DDAH1: variants seen among roughly 807,000 people sequenced by gnomAD.
The protein encoded by DDAH1 is dimethylarginine dimethylaminohydrolase 1.
DDAH1 carries 19 observed loss-of-function variants against 28.8 expected under a neutral mutation model. The ratio of observed to expected loss-of-function variants is 0.66; its 90% confidence interval spans 0.46 to 0.97. DDAH1 has a LOEUF of 0.97. Among genes scored for constraint, DDAH1 ranks in the 50% least tolerant of loss-of-function variants. The pLI is 0.00. For missense variants in DDAH1, 326 were observed against 375.9 expected (o/e 0.87, Z 1.10); for synonymous variants, 153 against 154.4 (o/e 0.99, Z 0.07).
rs61209793 is a variant in DDAH1, at chr1:85,504,961, CTTTTTTTTTTTTTTTTTTTTTTTTTTTTT to C, written c.-122-8709_-122-8681del. Among the ~76,000 whole-genome samples the C allele has an allele frequency of 1.5e-3, 92 of 60,838 alleles. 3 individuals are homozygous for C. The South Asian group carries it at 0.072, about 48-fold the overall frequency. 39.9% of individuals were successfully genotyped at this position (60,838 alleles called of 152,430 possible). On this transcript the variant is annotated intron_variant, in intron 1 of 6. Coordinates refer to the DDAH1 transcript ENST00000426972. ...CTTTTAACAATGGCCCTCAATGATT[CTTTTTTTTTTTTTTTTTTTTTTTTTTTTT>C]TTTTTTTTTTTTGAGACGGAGTTTC...
At chr1:85,381,577 C>T (rs11161604) in intron 1 of DDAH1, among the ~76,000 whole-genome samples, 4,257 of 152,042 alleles carry the variant, frequency 0.028, 100 homozygotes, top group East Asian at 0.12. Context: ...GGGAATTCCG[C>T]TGTCATCCTA....
chr1:85,414,335 A>G (rs1232967861), intron 1 of DDAH1, among the ~76,000 whole-genome samples: 2 of 152,236 alleles, frequency 1.3e-5, no homozygotes, highest in African/African-American at 4.8e-5. Context: ...TCCTCACACA[A>G]TATATAAGAA....
intron 2 of DDAH1, among the ~76,000 whole-genome samples, chr1:85,480,473 G>T (rs1243085520): frequency 6.6e-6 from 1 of 152,228 alleles, no homozygotes; most frequent in South Asian, 2.1e-4. Context: ...AGGCAGGTGC[G>T]GTGGCTCACA....
chr1:85,536,653 CAAAAG>C (rs1658288415), intron 1 of DDAH1, among the ~76,000 whole-genome samples: 1 of 151,854 alleles, frequency 6.6e-6, no homozygotes, highest in Admixed American at 6.6e-5. Flanking sequence ...ACCAGAAAGA[CAAAAG>C]AAAACAGTGT....
At chr1:85,363,821 CAT>C (rs1649913077) in intron 1 of DDAH1, among the ~76,000 whole-genome samples, 1 of 151,738 alleles carries the variant, frequency 6.6e-6, no homozygotes, top group South Asian at 2.1e-4. Context: ...GATTTTATGA[CAT>C]TGCTTAATGT....
upstream of DDAH1, among the ~76,000 whole-genome samples, chr1:85,466,524 C>T (rs1655387153): frequency 6.6e-6 from 1 of 152,236 alleles, no homozygotes; most frequent in Non-Finnish European, 1.5e-5. Flanking sequence ...GCTGGGATTA[C>T]AGGCATGAGC....
chr1:85,549,469 C>T (rs1292170217), intron 1 of DDAH1, among the ~76,000 whole-genome samples: 7 of 152,154 alleles, frequency 4.6e-5, no homozygotes, highest in African/African-American at 1.7e-4. Flanking sequence ...GGGACCATAC[C>T]ACTCTTGTGT....
At chr1:85,399,124 G>C (rs1415720324) in intron 1 of DDAH1, 1 of 152,010 alleles carries the variant, frequency 6.6e-6, no homozygotes, top group East Asian at 1.9e-4. Flanking sequence ...CTCATTCTTT[G>C]ATCTATTTAA....
chr1:85,373,446 A>G (rs552951401), intron 1 of DDAH1, among the ~76,000 whole-genome samples: 25 of 152,166 alleles, frequency 1.6e-4, no homozygotes, highest in African/African-American at 6.0e-4. Flanking sequence ...AGATGATTGG[A>G]TCATGGGGGT....
At chr1:85,518,987 A>T (rs1657571317) in intron 1 of DDAH1, among the ~76,000 whole-genome samples, 4 of 152,238 alleles carry the variant, frequency 2.6e-5, no homozygotes, top group Admixed American at 2.0e-4. Flanking sequence ...TTACTGACAT[A>T]GAAGGATATT....
At chr1:85,384,790 A>G (rs1229342123) in intron 1 of DDAH1, among the ~76,000 whole-genome samples, 2 of 152,222 alleles carry the variant, frequency 1.3e-5, no homozygotes, top group Non-Finnish European at 2.9e-5. Context: ...AATGAACAGA[A>G]GGGAGGTCTA....
rs985483119 is a variant in DDAH1, at chr1:85,464,677, A to T, written c.303+66T>A. The T allele has an allele frequency of 1.4e-6, 2 of 1,426,550 alleles. No individual in the cohort carries two copies. The highest frequency in any genetic ancestry group is 9.1e-7 in the Non-Finnish European group (1 of 1,095,944). 88.4% of individuals were successfully genotyped at this position (1,426,550 alleles called of 1,614,324 possible). A position where few individuals can be genotyped will look rare whatever the true frequency, so the allele number is the denominator to read the frequency against. On this transcript the variant is annotated intron_variant, in intron 1 of 5. Transcript: ENST00000284031. This position sits in a 1 kb window ranked among gnomAD's most constrained non-coding sequence, Gnocchi z 4.4. ...CCAATGGCGCGACTCCCCAGGCAACACGGCGGCCGGCGGCGGGGGAGGGCC... is the reference window on the plus strand; with the variant it reads ...CCAATGGCGCGACTCCCCAGGCAACTCGGCGGCCGGCGGCGGGGGAGGGCC...
intron 1 of DDAH1, among the ~76,000 whole-genome samples, chr1:85,452,457 A>G (rs1297743948): frequency 6.6e-6 from 1 of 152,240 alleles, no homozygotes; most frequent in Non-Finnish European, 1.5e-5. Flanking sequence ...CAAAGGTTAC[A>G]TGAAACATTA....
At chr1:85,415,175 C>T (rs373586884) in intron 1 of DDAH1, among the ~76,000 whole-genome samples, 110 of 151,804 alleles carry the variant, frequency 7.2e-4, no homozygotes, top group African/African-American at 2.6e-3. Context: ...ACACCACGCC[C>T]GGCTAATTTT....
intron 1 of DDAH1, among the ~76,000 whole-genome samples, chr1:85,449,451 T>C (rs648310): frequency 0.42 from 63,455 of 151,864 alleles, 13,437 homozygotes; most frequent in South Asian, 0.49. Context: ...ATAAGAGTCA[T>C]GGTGGGGTAG....
chr1:85,476,110 C>T (rs952292477), intron 2 of DDAH1, among the ~76,000 whole-genome samples: 1 of 152,162 alleles, frequency 6.6e-6, no homozygotes, highest in African/African-American at 2.4e-5. Flanking sequence ...GATCTGTCTG[C>T]CTCAACCTCC....
chr1:85,540,386 G>A (rs532876507), intron 1 of DDAH1, among the ~76,000 whole-genome samples: 2 of 152,066 alleles, frequency 1.3e-5, no homozygotes, highest in Non-Finnish European at 2.9e-5. Flanking sequence ...AGGTTTCAAA[G>A]CCCAGCACAA....
intron 2 of DDAH1, among the ~76,000 whole-genome samples, chr1:85,487,927 T>C (rs1656259448): frequency 1.3e-5 from 2 of 152,278 alleles, no homozygotes; most frequent in South Asian, 4.1e-4. Flanking sequence ...TTTACACCTA[T>C]GATCCCAGCA....
At chr1:85,503,300 G>T (rs554345208) in intron 1 of DDAH1, among the ~76,000 whole-genome samples, 147 of 152,212 alleles carry the variant, frequency 9.7e-4, no homozygotes, top group African/African-American at 3.4e-3. Context: ...CGCCTCCTGG[G>T]TTCAAGCGAT....
Sources: allele counts gnomAD v4.1 joint callset (sites outside exome capture counted in the v4.1 genomes callset), GRCh38; gene constraint gnomAD v4.1.1; non-coding constraint Gnocchi (gnomAD v3.1); transcripts MANE v1.5; gene names NCBI Gene and HGNC (gene_info 2026-07-23, HGNC 2026-07-21).